Variants in SIGLEC5 observed in about 807,000 individuals in gnomAD.
The protein encoded by SIGLEC5 is sialic acid-binding Ig-like lectin 5.
A neutral mutation model predicts 45.9 loss-of-function variants in SIGLEC5; 34 were observed. The ratio of observed to expected loss-of-function variants is 0.74; its 90% confidence interval spans 0.56 to 0.99. The LOEUF (loss-of-function observed/expected upper bound fraction) is 0.99. Ranked by LOEUF, SIGLEC5 falls within the 50% of genes least tolerant of loss-of-function variation. The pLI is 0.00. For synonymous variants in SIGLEC5, 203 were observed against 258.6 expected (o/e 0.79, Z 2.06); for missense variants, 508 against 629.6 (o/e 0.81, Z 2.07).
At chr19:51,623,846 C>T (rs1983381969) in intron 8 of SIGLEC5, among the ~76,000 whole-genome samples, 1 of 152,180 alleles carries the variant, frequency 6.6e-6, no homozygotes, top group Admixed American at 6.6e-5. Flanking sequence ...ATGGAAACAA[C>T]TCAAGTGTGC....
chr19:51,622,283 C>A (rs1600101748), intron 8 of SIGLEC5, among the ~76,000 whole-genome samples: 2 of 151,856 alleles, frequency 1.3e-5, no homozygotes, highest in Admixed American at 6.6e-5. Context: ...AGGTGCCCAC[C>A]ACCACGCCTG....
In SIGLEC5 at chr19:51,612,276, C is replaced by T. The variant is rs145143031; in HGVS notation, c.1611G>A (p.Glu537=). 1.3e-4 allele frequency: 211 copies of T among 1,612,250 alleles called. No individual in the cohort carries two copies. Among genetic ancestry groups the T allele is most frequent in the Admixed American group, 3.0e-4 (18 of 59,910 alleles). Residue 537 remains glutamate (E), a synonymous_variant, in exon 9 of 9, where the codon GAG becomes GAA. Transcript: ENST00000683636. ...EMKSREPKDQ[E]APSTTEYSEI... ...CCGAGTACTCCGTGGTGCTTGGGGC[C>T]TCCTGGTCCTTAGGCTCCCTCGACT...
rs1390600824 is a variant in SIGLEC5, at chr19:51,611,618, TG to T, written c.*612del. ...TCTTTGGCTGTTGGAAGGATTCCTATGGGTCTCATAAATGAAGGACTGGAGC... is the reference window on the plus strand; with the variant it reads ...TCTTTGGCTGTTGGAAGGATTCCTATGGTCTCATAAATGAAGGACTGGAGC... On this transcript the variant is annotated 3_prime_UTR_variant, in exon 9 of 9. Coordinates refer to ENST00000683636, the MANE Select transcript of SIGLEC5 (RefSeq NM_003830.4). Among the ~76,000 whole-genome samples the T allele has an allele frequency of 3.3e-5, 5 of 152,208 alleles. No individual in the cohort carries two copies.
chr19:51,629,283 C>CACACAG (rs1355494547), intron 3 of SIGLEC5, 75 bp downstream of exon 3: 4 of 1,601,030 alleles, frequency 2.5e-6, no homozygotes, highest in Non-Finnish European at 3.4e-6. Flanking sequence ...CACACACACA[C>CACACAG]ACACACACAC....
At chr19:51,622,331 G>C (rs1983321836) in intron 8 of SIGLEC5, among the ~76,000 whole-genome samples, 1 of 151,690 alleles carries the variant, frequency 6.6e-6, no homozygotes, top group South Asian at 2.1e-4. Flanking sequence ...AGTAAAGACG[G>C]GGTTTCACCG....
Position 51,611,048 on chromosome 19 carries a change from A to G in SIGLEC5, c.*1183T>C, listed in dbSNP as rs1024787200. On this transcript the variant is annotated 3_prime_UTR_variant, in exon 9 of 9. Transcript: ENST00000683636. ...ATAACCAAAACAGTAGTCACAATTC[A>G]CCTTCTTTACAGTGATGAAAATGAA... 1.3e-5 allele frequency among the ~76,000 whole-genome samples: 2 copies of G among 152,188 alleles called. No homozygotes were observed. Among genetic ancestry groups the G allele is most frequent in the African/African-American group, 4.8e-5 (2 of 41,448 alleles).
chr19:51,622,365 T>A, intron 8 of SIGLEC5, among the ~76,000 whole-genome samples: 1 of 151,206 alleles, frequency 6.6e-6, no homozygotes, highest in Admixed American at 6.6e-5. Flanking sequence ...GGTCTCGATC[T>A]CCTGACCTCG....
At chr19:51,615,634 C>T (rs978438140) in intron 8 of SIGLEC5, among the ~76,000 whole-genome samples, 18 of 152,166 alleles carry the variant, frequency 1.2e-4, no homozygotes, top group African/African-American at 9.7e-5. Context: ...CACAATGCAA[C>T]GAGAGTCCTT....
At chr19:51,629,297 C>T in intron 3 of SIGLEC5, 61 bp downstream of exon 3, 2 of 1,602,522 alleles carry the variant, frequency 1.2e-6, no homozygotes, top group Non-Finnish European at 1.7e-6. Flanking sequence ...CACACACACA[C>T]ACACACACCC....
chr19:51,619,284 A>G (rs1983191975), intron 8 of SIGLEC5, among the ~76,000 whole-genome samples: 4 of 152,014 alleles, frequency 2.6e-5, no homozygotes, highest in Admixed American at 2.6e-4. Context: ...GTTTCACCAT[A>G]TTGGCCAGGC....
intron 8 of SIGLEC5, among the ~76,000 whole-genome samples, chr19:51,615,515 C>A (rs1256118020): frequency 1.3e-5 from 2 of 152,174 alleles, no homozygotes; most frequent in Non-Finnish European, 2.9e-5. Flanking sequence ...GTTGGGTAAG[C>A]ACCAGAGGCC....
chr19:51,627,662 G>T lies in SIGLEC5; in HGVS notation c.1082C>A (p.Pro361His), dbSNP rs377329373. 1 of 1,611,176 alleles carries T rather than the reference G, an allele frequency of 6.2e-7. No homozygotes were observed. The highest frequency in any genetic ancestry group is 8.5e-7 in the Non-Finnish European group (1 of 1,179,190). The change falls in exon 6 of 9, where the codon CCC becomes CAC. Residue 361 changes from proline (P) to histidine (H), a missense_variant. Physicochemically the swap from Pro to His is moderately conservative, Grantham distance 77. Coordinates refer to ENST00000683636, the MANE Select transcript of SIGLEC5 (RefSeq NM_003830.4). ...CRCSFRARPA[P>H]SLCWRLEEKP... The stretch of plus-strand genomic sequence containing the variant: ...CTCCTCAAGCCGCCAGCACAGGGAG[G>T]GGGCCGGCCGGGCTCGAAAGGAGCA...
At chr19:51,628,888 C>T in intron 4 of SIGLEC5, 150 bp downstream of exon 4, 2 of 745,632 alleles carry the variant, frequency 2.7e-6, no homozygotes, top group Non-Finnish European at 4.6e-6. Context: ...TGTGCCTGCA[C>T]ATGGGGCTCA....
intron 8 of SIGLEC5, among the ~76,000 whole-genome samples, chr19:51,614,458 G>A (rs7248228): frequency 0.88 from 133,636 of 152,106 alleles, 58,881 homozygotes; most frequent in East Asian, 0.96. Flanking sequence ...AAAGGACTCC[G>A]CAGTTAGGGA....
intron 8 of SIGLEC5, among the ~76,000 whole-genome samples, chr19:51,615,799 G>A (rs185522409): frequency 6.6e-5 from 10 of 152,246 alleles, no homozygotes; most frequent in East Asian, 3.9e-4. Flanking sequence ...TTTTTGAGAC[G>A]ATGCTTCACT....
chr19:51,627,026 C>A, intron 7 of SIGLEC5, 123 bp downstream of exon 7: 1 of 701,510 alleles, frequency 1.4e-6, no homozygotes, highest in Non-Finnish European at 2.4e-6. Flanking sequence ...GCCTCAGACT[C>A]CTGAGCATCT....
chr19:51,617,171 C>T (rs902140741), intron 8 of SIGLEC5, among the ~76,000 whole-genome samples: 2 of 150,510 alleles, frequency 1.3e-5, no homozygotes, highest in African/African-American at 2.4e-5. Flanking sequence ...AGGAGAATGG[C>T]GTGAACCCGG....
intron 8 of SIGLEC5, among the ~76,000 whole-genome samples, chr19:51,618,462 A>AAC (rs1983152290): frequency 6.7e-6 from 1 of 150,158 alleles, no homozygotes; most frequent in Admixed American, 6.6e-5. Context: ...AAAAAAAAAA[A>AAC]AAAAAACATC....
At chr19:51,612,843 G>A (rs1389619519) in intron 8 of SIGLEC5, among the ~76,000 whole-genome samples, 2 of 152,072 alleles carry the variant, frequency 1.3e-5, no homozygotes, top group African/African-American at 2.4e-5. Flanking sequence ...ATTATGCCCT[G>A]GACTCTAATT....
Sources: gnomAD v4.1 joint callset for allele counts (sites outside exome capture counted in the v4.1 genomes callset) on GRCh38, gnomAD v4.1.1 for gene constraint, MANE v1.5 for transcripts, NCBI Gene and HGNC (gene_info 2026-07-23, HGNC 2026-07-21) for gene names.